The following CHST4 variants were observed in gnomAD, a reference collection of about 807,000 sequenced individuals.
CHST4 encodes the protein carbohydrate sulfotransferase 4.
For missense variants in CHST4, 466 were observed against 506.0 expected (o/e 0.92, Z 0.76); for synonymous variants, 171 against 195.5 (o/e 0.87, Z 1.05).
chr16:71,534,348 CT>C (rs548597955), intron 1 of CHST4, among the ~76,000 whole-genome samples: 305 of 123,372 alleles, frequency 2.5e-3, no homozygotes, highest in Middle Eastern at 0.019. Flanking sequence ...ACATTTCTTT[CT>C]TTTTTTTTTT....
intron 1 of CHST4, among the ~76,000 whole-genome samples, chr16:71,528,361 T>G (rs1441661042): frequency 1.3e-5 from 2 of 151,952 alleles, no homozygotes; most frequent in African/African-American, 4.8e-5. Context: ...TCTTCCTTTC[T>G]GGGTCTCATA....
chr16:71,530,543 G>T (rs1024444275), intron 1 of CHST4, among the ~76,000 whole-genome samples: 1 of 148,592 alleles, frequency 6.7e-6, no homozygotes, highest in Non-Finnish European at 1.5e-5. Context: ...AGGCTGGAAG[G>T]TGGCTTGAGG....
chr16:71,537,039 CCAGCCTCTTTCAGTG>C lies in CHST4; in HGVS notation c.363_377del (p.Ser122_Trp126del). The C allele has an allele frequency of 6.2e-7, 1 of 1,614,152 alleles. No individual in the cohort carries two copies. Among genetic ancestry groups the C allele is most frequent in the South Asian group, 1.1e-5 (1 of 91,072 alleles). ...ATGGAACCTGGTCCCCGGAGACAGT[CCAGCCTCTTTCAGTG>C]GGAGAACAGCCGGGCCCTGTGTTCT... On this transcript the variant is annotated inframe_deletion, in exon 2 of 2. Transcript: ENST00000539698. The surrounding 1 kb of genome is among the most constrained non-coding windows in gnomAD (Gnocchi z 4.2).
rs939177011 is a variant in CHST4 at position 71,526,496 on chromosome 16, G to T, written c.-19+1G>T. 1 of 152,288 alleles carries T rather than the reference G, an allele frequency of 6.6e-6. No homozygotes were observed. The highest frequency in any genetic ancestry group is 2.4e-5 in the African/African-American group (1 of 41,430). 9.4% of individuals were successfully genotyped at this position (152,288 alleles called of 1,614,324 possible). ...GCAGCAGGGAAGCCCAAGCCACAAG[G>T]TAAGAAGAGAATTTCTGTGTACGAC... On this transcript the variant is annotated splice_donor_variant, in intron 1 of 1. Transcript: ENST00000539698. LOFTEE classifies it low-confidence loss of function (5UTR_SPLICE).
chr16:71,537,256 C>T lies in CHST4; in HGVS notation c.579C>T (p.Asp193=), dbSNP rs1204524013. ...AGTCCCTCTACCCGCTGCTGAAAGA[C>T]CCCTCCCTCAACCTGCATATCGTGC... ...NLQSLYPLLK[D]PSLNLHIVHL... is the part of the protein sequence containing the mutation. Residue 193 remains aspartate (D), a synonymous_variant, in exon 2 of 2, where the codon GAC becomes GAT. Coordinates refer to ENST00000539698, the MANE Select transcript of CHST4 (RefSeq NM_001166395.2). This position sits in a 1 kb window ranked among gnomAD's most constrained non-coding sequence, Gnocchi z 4.2. 6 of 1,614,078 alleles carry T rather than the reference C, an allele frequency of 3.7e-6. No individual in the cohort carries two copies. The highest frequency in any genetic ancestry group is 5.1e-6 in the Non-Finnish European group (6 of 1,180,046).
chr16:71,537,611 G>A lies in CHST4; in HGVS notation c.934G>A (p.Gly312Ser). 6.2e-7 allele frequency: 1 copy of A among 1,614,168 alleles called. No individual in the cohort carries two copies. The change falls in exon 2 of 2, where the codon GGC becomes AGC. Residue 312 changes from glycine to serine, a missense_variant. Transcript: ENST00000539698. This position sits in a 1 kb window ranked among gnomAD's most constrained non-coding sequence, Gnocchi z 4.2. ...GACCTGGGTGCATAACATCACCCGAGGCAAGGGCATGGGTGACCACGCTTT... is the reference window on the plus strand; with the variant it reads ...GACCTGGGTGCATAACATCACCCGAAGCAAGGGCATGGGTGACCACGCTTT... ...LQTWVHNITR[G>S]KGMGDHAFHT... is the part of the protein sequence containing the mutation.
At position 71,537,935 on chromosome 16, in the gene CHST4, T is replaced by C. The variant is rs1054225283; in HGVS notation, c.*97T>C. The C allele has an allele frequency of 3.7e-5, 41 of 1,103,456 alleles. No homozygotes were observed. The Admixed American group carries it at 8.5e-4, about 23-fold the overall frequency. The allele number at this position is 1,103,456 out of a possible 1,614,324, so 68.4% of individuals were successfully genotyped here. A position where few individuals can be genotyped will look rare whatever the true frequency, so the allele number is the denominator to read the frequency against. On this transcript the variant is annotated 3_prime_UTR_variant, in exon 2 of 2. Transcript: ENST00000539698. This position sits in a 1 kb window ranked among gnomAD's most constrained non-coding sequence, Gnocchi z 4.2. The stretch of plus-strand genomic sequence containing the variant: ...CCTACATCTCTGAGCCTTAACTACA[T>C]GTCTGTGGGTATCACACTGAGTGTG...
chr16:71,531,493 A>T (rs1358197121), intron 1 of CHST4, among the ~76,000 whole-genome samples: 2 of 152,202 alleles, frequency 1.3e-5, no homozygotes, highest in African/African-American at 4.8e-5. Flanking sequence ...AAAGAAAAAG[A>T]AGTCAGAGGA....
At position 71,537,695 on chromosome 16, in the gene CHST4, T is replaced by C. The variant is rs762606485; in HGVS notation, c.1018T>C (p.Tyr340His). 6.2e-7 allele frequency: 1 copy of C among 1,614,222 alleles called. No individual in the cohort carries two copies. ...VSQAWRWSLP[Y>H]EKVSRLQKAC... is the part of the protein sequence containing the mutation. ...CCAGGCTTGGCGCTGGTCTTTGCCC[T>C]ATGAAAAGGTTTCTCGACTTCAGAA... The change falls in exon 2 of 2, where the codon TAT becomes CAT. Residue 340 changes from tyrosine to histidine, a missense_variant. Physicochemically the swap from Tyr to His is moderately conservative, Grantham distance 83 (BLOSUM62 2). Transcript: ENST00000539698. The surrounding 1 kb of genome is among the most constrained non-coding windows in gnomAD (Gnocchi z 4.2).
At chr16:71,533,955 T>C (rs2043967732) in intron 1 of CHST4, among the ~76,000 whole-genome samples, 1 of 150,610 alleles carries the variant, frequency 6.6e-6, no homozygotes, top group South Asian at 2.1e-4. Flanking sequence ...GGCAGGGGAA[T>C]CACTTGAACC....
At chr16:71,534,948 G>A (rs985650249) in intron 1 of CHST4, among the ~76,000 whole-genome samples, 52 of 152,280 alleles carry the variant, frequency 3.4e-4, no homozygotes, top group Admixed American at 9.8e-4. Context: ...CACCCAGAAT[G>A]ACAAAGTCAT....
Position 71,537,116 on chromosome 16 carries a change from A to C in CHST4, c.439A>C (p.Ile147Leu). ...TGACATCATCCCACAAGATGAAATC[A>C]TCCCCCGGGCTCACTGCAGGCTCCT... ...ACDIIPQDEI[I>L]PRAHCRLLCS... is the part of the protein sequence containing the mutation. Residue 147 changes from isoleucine to leucine, a missense_variant, in exon 2 of 2, where the codon ATC becomes CTC. By Grantham distance (5) the Ile-to-Leu change is conservative. Coordinates refer to ENST00000539698, the MANE Select transcript of CHST4 (RefSeq NM_001166395.2). This position sits in a 1 kb window ranked among gnomAD's most constrained non-coding sequence, Gnocchi z 4.2. 1 of 1,614,180 alleles carries C rather than the reference A, an allele frequency of 6.2e-7. No individual in the cohort carries two copies. Among genetic ancestry groups the C allele is most frequent in the Non-Finnish European group, 8.5e-7 (1 of 1,180,036 alleles).
At chr16:71,528,249 CAA>C (rs10716662) in intron 1 of CHST4, among the ~76,000 whole-genome samples, 24,158 of 109,474 alleles carry the variant, frequency 0.22, 2,293 homozygotes, top group Middle Eastern at 0.41. Flanking sequence ...GACTTCATTT[CAA>C]AAAAAAAAAA....
chr16:71,534,245 T>C (rs2145205743), intron 1 of CHST4, among the ~76,000 whole-genome samples: 1 of 151,674 alleles, frequency 6.6e-6, no homozygotes, highest in Non-Finnish European at 1.5e-5. Context: ...CTTTTTAGGC[T>C]GAGCACGGTG....
At position 71,537,212 on chromosome 16, in the gene CHST4, G is replaced by A; in HGVS notation, c.535G>A (p.Val179Met). The A allele has an allele frequency of 6.2e-7, 1 of 1,614,148 alleles. No individual in the cohort carries two copies. The highest frequency in any genetic ancestry group is 1.6e-4 in the Middle Eastern group (1 of 6,062). Residue 179 changes from valine (V) to methionine (M), a missense_variant, in exon 2 of 2, where the codon GTG becomes ATG. Val to Met is a conservative substitution (Grantham distance 21). Transcript: ENST00000539698. The surrounding 1 kb of genome is among the most constrained non-coding windows in gnomAD (Gnocchi z 4.2). ...RSYSHVVLKE[V>M]RFFNLQSLYP... ...CTACAGCCACGTGGTGCTCAAGGAG[G>A]TGCGCTTCTTCAACCTGCAGTCCCT...
chr16:71,534,581 CTCCTGACCTCATAT>C (rs1402286027), intron 1 of CHST4, among the ~76,000 whole-genome samples: 1 of 151,966 alleles, frequency 6.6e-6, no homozygotes, highest in African/African-American at 2.4e-5. Context: ...TGGTCTCAAA[CTCCTGACCTCATAT>C]GATCCACCCG....
chr16:71,526,586 G>C (rs1305855590), intron 1 of CHST4, 91 bp downstream of exon 1: 3 of 152,232 alleles, frequency 2.0e-5, no homozygotes, highest in Non-Finnish European at 2.9e-5. Context: ...TGGCAGCTAA[G>C]CTAGAGATTA....
At chr16:71,532,269 G>C (rs886329067) in intron 1 of CHST4, among the ~76,000 whole-genome samples, 2 of 151,934 alleles carry the variant, frequency 1.3e-5, no homozygotes, top group South Asian at 4.1e-4. Flanking sequence ...GGATGGTCTC[G>C]ATCTCCTGAC....
chr16:71,536,613 C>A, intron 1 of CHST4, 47 bp from the exon 2 acceptor site: 1 of 1,341,204 alleles, frequency 7.5e-7, no homozygotes, highest in South Asian at 2.3e-5. Flanking sequence ...AGAAGGCAAA[C>A]AATAAAACAG....
Sources: allele counts gnomAD v4.1 joint callset (sites outside exome capture counted in the v4.1 genomes callset), GRCh38; gene constraint gnomAD v4.1.1; non-coding constraint Gnocchi (gnomAD v3.1); transcripts MANE v1.5; gene names NCBI Gene and HGNC (gene_info 2026-07-23, HGNC 2026-07-21).